Variants in EFCAB3 observed in about 807,000 individuals in gnomAD.
EFCAB3 encodes the protein EF-hand calcium binding domain 3.
In EFCAB3, 36 loss-of-function variants were observed where a neutral mutation model predicts 42.2. That is an observed-to-expected ratio of 0.85 (90% CI 0.65 to 1.13). EFCAB3 has a LOEUF of 1.13. Ranked by LOEUF, EFCAB3 falls within the 50% of genes most tolerant of loss-of-function variation. EFCAB3 has a pLI of 0.00. For missense variants in EFCAB3, 418 were observed against 505.1 expected, an observed-to-expected ratio of 0.83 and a Z score of 1.65; for synonymous variants, 170 against 172.8, an observed-to-expected ratio of 0.98 and a Z score of 0.13.
chr17:62,387,668 G>A (rs76018093), intron 3 of EFCAB3, among the ~76,000 whole-genome samples: 6,068 of 152,032 alleles, frequency 0.04, 398 homozygotes, highest in African/African-American at 0.14. Flanking sequence ...AAGAACAAAC[G>A]CAAAAAGAAC....
At chr17:62,408,238 G>A (rs1056451507) in intron 8 of EFCAB3, among the ~76,000 whole-genome samples, 1 of 152,140 alleles carries the variant, frequency 6.6e-6, no homozygotes, top group Non-Finnish European at 1.5e-5. Flanking sequence ...AGGTAACTCA[G>A]TATTTTTTGG....
At chr17:62,377,859 A>T (rs1329455768), upstream of EFCAB3, 2 of 836,726 alleles carry the variant, frequency 2.4e-6, no homozygotes, top group Non-Finnish European at 3.7e-6. Context: ...ACATTTTCTT[A>T]ATTTTTTCAC....
chr17:62,397,798 G>A (rs970491358), intron 6 of EFCAB3: 5 of 353,634 alleles, frequency 1.4e-5, no homozygotes, highest in Non-Finnish European at 2.2e-5. Context: ...GCCAAGGCAG[G>A]TGGATCATGA....
At chr17:62,397,671 G>A (rs111616337) in intron 6 of EFCAB3, 1 of 587,192 alleles carries the variant, frequency 1.7e-6, no homozygotes, top group Non-Finnish European at 3.3e-6. Context: ...GTACCCAATG[G>A]TGGTTGCTTG....
chr17:62,399,719 C>T (rs918007312), intron 6 of EFCAB3, among the ~76,000 whole-genome samples: 4 of 152,130 alleles, frequency 2.6e-5, no homozygotes, highest in African/African-American at 9.7e-5. Flanking sequence ...CTGATGTCAT[C>T]TCAGCAAAGC....
chr17:62,398,530 A>G (rs1236969414), intron 6 of EFCAB3, among the ~76,000 whole-genome samples: 4 of 151,358 alleles, frequency 2.6e-5, no homozygotes, highest in African/African-American at 9.7e-5. Context: ...ATTAGCCACC[A>G]TAGTGGCACA....
At chr17:62,370,969 A>G (rs2070110454) in intron 1 of EFCAB3, among the ~76,000 whole-genome samples, 1 of 151,914 alleles carries the variant, frequency 6.6e-6, no homozygotes, top group Admixed American at 6.6e-5. Context: ...GCACATGCCT[A>G]TAGTCCTAGC....
chr17:62,395,368 A>G (rs977092152), intron 6 of EFCAB3, among the ~76,000 whole-genome samples, 180 bp downstream of exon 6: 2 of 152,180 alleles, frequency 1.3e-5, no homozygotes, highest in Non-Finnish European at 1.5e-5. Context: ...TCATCTCCAC[A>G]GTCCTTCCCA....
At chr17:62,407,790 G>A (rs1427446130) in intron 8 of EFCAB3, among the ~76,000 whole-genome samples, 1 of 152,118 alleles carries the variant, frequency 6.6e-6, no homozygotes, top group African/African-American at 2.4e-5. Flanking sequence ...CTCTCAAGAG[G>A]CTCTGGCCTC....
exon 2 of EFCAB3, chr17:62,373,863 T>A: frequency 6.9e-7 from 1 of 1,446,662 alleles, no homozygotes; most frequent in Non-Finnish European, 9.5e-7. Flanking sequence ...TGAAGAAGTT[T>A]AAACGTAAGT....
In EFCAB3 at chr17:62,373,813, G is replaced by A; in HGVS notation, c.35-1G>A. 1.3e-6 allele frequency: 2 copies of A among 1,508,596 alleles called. No homozygotes were observed. Among genetic ancestry groups the A allele is most frequent in the Non-Finnish European group, 1.8e-6 (2 of 1,113,138 alleles). 93.5% of individuals were successfully genotyped at this position (1,508,596 alleles called of 1,614,324 possible). The stretch of plus-strand genomic sequence containing the variant: ...TGTATCTAAACCAAAATGTTTTACA[G>A]GAAATGGAAAGATTAATGTTAATTC... On this transcript the variant is annotated splice_acceptor_variant, in intron 1 of 11. Transcript: ENST00000450662. LOFTEE classifies it high-confidence loss of function.
Position 62,395,078 on chromosome 17 carries a change from G to C in EFCAB3, c.378G>C (p.Lys126Asn). 3.7e-6 allele frequency: 6 copies of C among 1,613,590 alleles called. No homozygotes were observed. Among genetic ancestry groups the C allele is most frequent in the Non-Finnish European group, 4.2e-6 (5 of 1,179,862 alleles). Reference protein sequence around the residue: ...NLFLKAVVPEKETCLDLAGNP... With the variant: ...NLFLKAVVPENETCLDLAGNP... The stretch of plus-strand genomic sequence containing the variant: ...GTTTTCCCTCCATAGTTCCAGAAAA[G>C]GAGACCTGTTTAGATTTGGCTGGCA... The change falls in exon 6 of 10, where the codon AAG becomes AAC. Residue 126 changes from lysine to asparagine, a missense_variant. By Grantham distance (94) the Lys-to-Asn change is moderately conservative. Transcript: ENST00000305286.
At chr17:62,403,624 A>C (rs1273638075) in intron 6 of EFCAB3, among the ~76,000 whole-genome samples, 1 of 152,042 alleles carries the variant, frequency 6.6e-6, no homozygotes, top group African/African-American at 2.4e-5. Context: ...CCTTTGCTTA[A>C]CCTCCAGTCT....
Position 62,370,325 on chromosome 17 carries a change from G to T in EFCAB3, c.34+3G>T, listed in dbSNP as rs533264886. The T allele has an allele frequency of 6.8e-5, 105 of 1,551,626 alleles. 1 individual carries two copies. In the South Asian group the frequency reaches 1.2e-3, roughly 17 times the overall value. ...GATGCCTCATTTGACATTTAACGGT[G>T]AGGTGTATGTTTTATAATTATGTTA... On this transcript the variant is annotated splice_donor_region_variant and intron_variant, in intron 1 of 11. Coordinates refer to the EFCAB3 transcript ENST00000450662.
At chr17:62,407,000 G>A (rs2070453420) in intron 7 of EFCAB3, 28 bp from the exon 8 acceptor site, 1 of 1,558,446 alleles carries the variant, frequency 6.4e-7, no homozygotes, top group South Asian at 1.2e-5. Context: ...CATTGTTTGT[G>A]ATACCATTTT....
upstream of EFCAB3, among the ~76,000 whole-genome samples, chr17:62,378,682 C>T (rs1262888679): frequency 7.2e-6 from 1 of 139,674 alleles, no homozygotes; most frequent in Non-Finnish European, 1.5e-5. Flanking sequence ...CCTCAGCTAA[C>T]AAAGAAAGAA....
In EFCAB3 at chr17:62,395,159, A is replaced by G; in HGVS notation, c.459A>G (p.Leu153=). ...ILSRLLETSA[L]PRKSIIEIVS... ...CAAGGCTTCTAGAGACTTCAGCCCTACCCAGAAAGTCTATAATAGAAATAG... is the reference window on the plus strand; with the variant it reads ...CAAGGCTTCTAGAGACTTCAGCCCTGCCCAGAAAGTCTATAATAGAAATAG... The change falls in exon 6 of 10, where the codon CTA becomes CTG. Residue 153 remains leucine (L), a synonymous_variant. Transcript: ENST00000305286. 1 of 1,613,922 alleles carries G rather than the reference A, an allele frequency of 6.2e-7. No individual in the cohort carries two copies. Among genetic ancestry groups the G allele is most frequent in the South Asian group, 1.1e-5 (1 of 90,996 alleles).
upstream of EFCAB3, chr17:62,377,993 G>A (rs1450870920): frequency 3.9e-6 from 6 of 1,549,784 alleles, no homozygotes; most frequent in Non-Finnish European, 5.2e-6. Context: ...CTCTGCATAA[G>A]TTGAAAACTG....
At chr17:62,392,409 G>C (rs2070311333) in intron 4 of EFCAB3, among the ~76,000 whole-genome samples, 1 of 151,948 alleles carries the variant, frequency 6.6e-6, no homozygotes, top group African/African-American at 2.4e-5. Context: ...GAAAAACACT[G>C]TGTGGAAGCT....
Sources: allele counts gnomAD v4.1 joint callset (sites outside exome capture counted in the v4.1 genomes callset), GRCh38; gene constraint gnomAD v4.1.1; transcripts MANE v1.5; gene names NCBI Gene and HGNC (gene_info 2026-07-23, HGNC 2026-07-21).